Variants in ALK observed in about 807,000 individuals in gnomAD.
ALK encodes the protein ALK receptor tyrosine kinase, also known as ALK tyrosine kinase receptor.
Under a neutral mutation model 163.1 loss-of-function variants are expected in ALK, and 74 were observed. The observed-to-expected ratio is 0.45, with a 90% CI of 0.38 to 0.55. The LOEUF (loss-of-function observed/expected upper bound fraction) is 0.55, where lower values mean the gene tolerates loss of function less well. ALK is among the 20% of genes least tolerant of loss of function. The pLI is 0.00. For synonymous variants in ALK, 960 were observed against 843.2 expected, an observed-to-expected ratio of 1.14 and a Z score of -2.40; for missense variants, 2,063 against 2,105.3, an observed-to-expected ratio of 0.98 and a Z score of 0.39.
Position 29,912,637 on chromosome 2 carries a change from G to A in ALK, c.667+7356C>T, listed in dbSNP as rs1667736482. 3.3e-5 allele frequency among the ~76,000 whole-genome samples: 5 copies of A among 151,958 alleles called. No homozygotes were observed. The South Asian group carries it at 1.0e-3, about 32-fold the overall frequency. ...TGGTATATATCTGGATAGCTATAAA[G>A]GACTATTTTTCTATTTAAAAGTTAT... On this transcript the variant is annotated intron_variant, in intron 1 of 28. Transcript: ENST00000389048.
intron 4 of ALK, among the ~76,000 whole-genome samples, chr2:29,495,002 T>C (rs893376242): frequency 6.6e-6 from 1 of 152,208 alleles, no homozygotes; most frequent in Non-Finnish European, 1.5e-5. Context: ...GATAGCAGAC[T>C]GTGCTTTATG....
At chr2:29,910,786 A>G (rs559518457) in intron 1 of ALK, among the ~76,000 whole-genome samples, 3 of 152,346 alleles carry the variant, frequency 2.0e-5, no homozygotes, top group African/African-American at 7.2e-5. Flanking sequence ...CTTTCAGCAA[A>G]CAAAAGCTGA....
At chr2:29,394,213 T>C (rs754781992) in intron 4 of ALK, among the ~76,000 whole-genome samples, 9 of 152,066 alleles carry the variant, frequency 5.9e-5, no homozygotes, top group Non-Finnish European at 1.0e-4. Flanking sequence ...TAGTATTGTC[T>C]AAGAGGGATT....
intron 4 of ALK, among the ~76,000 whole-genome samples, chr2:29,406,396 A>T (rs1669585337): frequency 6.6e-6 from 1 of 152,152 alleles, no homozygotes; most frequent in Non-Finnish European, 1.5e-5. Flanking sequence ...TTGAGGTGGA[A>T]TGAGAATCTA....
intron 4 of ALK, among the ~76,000 whole-genome samples, chr2:29,411,959 C>T (rs1027965944): frequency 5.3e-5 from 8 of 152,228 alleles, no homozygotes; most frequent in Non-Finnish European, 1.2e-4. Context: ...CAAGCGCAAG[C>T]AAGTTTCTTG....
intron 1 of ALK, among the ~76,000 whole-genome samples, chr2:29,830,693 A>T (rs1665343638): frequency 7.4e-6 from 1 of 136,012 alleles, no homozygotes; most frequent in Non-Finnish European, 1.6e-5. Flanking sequence ...ACACAGCAAG[A>T]CCCTGTCTCT....
rs111476819 is a variant in ALK at position 29,845,850 on chromosome 2, T to G, written c.667+74143A>C. Among the ~76,000 whole-genome samples, 110 of 152,296 alleles carry G rather than the reference T, an allele frequency of 7.2e-4. 1 individual carries two copies. Among genetic ancestry groups the G allele is most frequent in the African/African-American group, 2.5e-3 (102 of 41,566 alleles). On this transcript the variant is annotated intron_variant, in intron 1 of 28. Transcript: ENST00000389048. ...TGGGTGCTGGTGCTCCAAGACAGAT[T>G]CTGGGAACTGTGACTCTCCACAGCA... is the stretch of plus-strand genomic sequence containing the variant.
intron 4 of ALK, among the ~76,000 whole-genome samples, chr2:29,471,331 C>T (rs1428771943): frequency 1.3e-5 from 2 of 152,020 alleles, no homozygotes; most frequent in Admixed American, 6.6e-5. Context: ...AAGAAGGCTA[C>T]AAGAAGGAAA....
At chr2:29,691,930 T>C (rs1001261431) in intron 3 of ALK, among the ~76,000 whole-genome samples, 1 of 152,208 alleles carries the variant, frequency 6.6e-6, no homozygotes, top group African/African-American at 2.4e-5. Context: ...CACTGAACTG[T>C]AATCACAGTT....
At chr2:29,293,015 T>C (rs1423431010) in intron 9 of ALK, among the ~76,000 whole-genome samples, 1 of 152,204 alleles carries the variant, frequency 6.6e-6, no homozygotes, top group African/African-American at 2.4e-5. Context: ...GTCTTTCTTA[T>C]GAAGTGATTC....
intron 2 of ALK, among the ~76,000 whole-genome samples, chr2:29,701,283 T>C (rs537334731): frequency 6.6e-5 from 10 of 152,310 alleles, no homozygotes; most frequent in African/African-American, 2.4e-4. Context: ...CTACTAGTTT[T>C]CTAAATCACC....
chr2:29,799,076 A>T (rs1572388149), intron 1 of ALK, among the ~76,000 whole-genome samples: 1 of 152,188 alleles, frequency 6.6e-6, no homozygotes, highest in East Asian at 1.9e-4. Flanking sequence ...AGATGAGGGG[A>T]TTTGAAATTG....
chr2:29,508,598 A>G (rs1289513892), intron 4 of ALK, among the ~76,000 whole-genome samples: 1 of 151,938 alleles, frequency 6.6e-6, no homozygotes, highest in Non-Finnish European at 1.5e-5. Context: ...CTAATGTTAA[A>G]TGATGAGTTA....
chr2:29,648,265 C>A (rs1420164079), intron 3 of ALK, among the ~76,000 whole-genome samples: 1 of 152,172 alleles, frequency 6.6e-6, no homozygotes, highest in Non-Finnish European at 1.5e-5. Flanking sequence ...AGGCTTACAA[C>A]AAAACACAGC....
chr2:29,414,757 A>G (rs923437884), intron 4 of ALK, among the ~76,000 whole-genome samples: 2 of 152,218 alleles, frequency 1.3e-5, no homozygotes, highest in Non-Finnish European at 2.9e-5. Flanking sequence ...TCCTGCATGC[A>G]AACGATCCTT....
intron 5 of ALK, among the ~76,000 whole-genome samples, chr2:29,370,493 C>T (rs1668613082): frequency 6.6e-6 from 1 of 152,186 alleles, no homozygotes. Flanking sequence ...TAATCAGGGC[C>T]CTTGTCCAGA....
intron 9 of ALK, among the ~76,000 whole-genome samples, chr2:29,284,064 CAT>C (rs1295392968): frequency 1.3e-5 from 2 of 152,160 alleles, no homozygotes; most frequent in Admixed American, 1.3e-4. Flanking sequence ...GCTGGAAAAA[CAT>C]TGCATCTGGA....
intron 1 of ALK, among the ~76,000 whole-genome samples, chr2:29,782,144 G>C (rs17008728): frequency 0.047 from 7,156 of 152,220 alleles, 393 homozygotes; most frequent in African/African-American, 0.13. Context: ...TTAATTCTAA[G>C]AGCTAAATTG....
chr2:29,331,348 G>A (rs1349137891), intron 5 of ALK, among the ~76,000 whole-genome samples: 2 of 152,180 alleles, frequency 1.3e-5, no homozygotes, highest in African/African-American at 4.8e-5. Context: ...CAACACGGAT[G>A]GAAAATACAA....
Sources: gnomAD v4.1 joint callset for allele counts (sites outside exome capture counted in the v4.1 genomes callset) on GRCh38, gnomAD v4.1.1 for gene constraint, MANE v1.5 for transcripts, NCBI Gene and HGNC (gene_info 2026-07-23, HGNC 2026-07-21) for gene names.